The following LAMC1 variants were observed in gnomAD, a reference collection of about 807,000 sequenced individuals.
LAMC1 encodes the protein laminin subunit gamma 1.
LAMC1 carries 38 observed loss-of-function variants against 173.6 expected under a neutral mutation model. The observed-to-expected ratio is 0.22, with a 90% confidence interval of 0.17 to 0.29. LAMC1 has a LOEUF of 0.29. Ranked by LOEUF, LAMC1 falls within the 10% of genes least tolerant of loss-of-function variation. LAMC1 has a pLI of 1.00. For synonymous variants in LAMC1, 746 were observed against 749.1 expected, an observed-to-expected ratio of 1.00 and a Z score of 0.07; for missense variants, 1,824 against 2,051.8, an observed-to-expected ratio of 0.89 and a Z score of 2.14.
chr1:183,036,291 G>A (rs756604832), intron 1 of LAMC1, among the ~76,000 whole-genome samples: 22 of 151,644 alleles, frequency 1.5e-4, no homozygotes, highest in Non-Finnish European at 2.8e-4. Context: ...GTAGAGATGG[G>A]GTTTCGCCAT....
chr1:183,096,644 C>T (rs898693405), intron 1 of LAMC1: 3 of 152,134 alleles, frequency 2.0e-5, no homozygotes, highest in African/African-American at 7.2e-5. Flanking sequence ...CATTTGTTGT[C>T]ATAAATTTAG....
At chr1:183,089,952 G>A (rs562863572) in intron 1 of LAMC1, among the ~76,000 whole-genome samples, 2 of 152,274 alleles carry the variant, frequency 1.3e-5, no homozygotes, top group South Asian at 4.2e-4. Context: ...CAAACCAGAA[G>A]ATTCACAACA....
chr1:183,131,131 G>A (rs918662606), intron 19 of LAMC1, among the ~76,000 whole-genome samples, 168 bp from the exon 20 acceptor site: 3 of 135,464 alleles, frequency 2.2e-5, no homozygotes, highest in Non-Finnish European at 3.0e-5. Flanking sequence ...CTGAAATTGT[G>A]CCATTGCCCT....
At chr1:183,122,296 A>G (rs760972101) in intron 13 of LAMC1, 45 bp downstream of exon 13, 3 of 1,576,850 alleles carry the variant, frequency 1.9e-6, no homozygotes, top group African/African-American at 1.4e-5. Context: ...CCTTCTATAA[A>G]AAGACCTAGG....
chr1:183,107,855 G>T (rs1469153077), intron 2 of LAMC1, among the ~76,000 whole-genome samples: 1 of 152,094 alleles, frequency 6.6e-6, no homozygotes, highest in South Asian at 2.1e-4. Flanking sequence ...AAAGGACAGG[G>T]GCAGGCAATG....
In LAMC1 at chr1:183,143,667, T is replaced by C. The variant is rs1657178939; in HGVS notation, c.*877T>C. The C allele has an allele frequency of 6.6e-6, 1 of 152,288 alleles. No individual in the cohort carries two copies. Among genetic ancestry groups the C allele is most frequent in the Non-Finnish European group, 1.5e-5 (1 of 68,046 alleles). 9.4% of individuals were successfully genotyped at this position (152,288 alleles called of 1,614,324 possible). A position where few individuals can be genotyped will look rare whatever the true frequency, so the allele number is the denominator to read the frequency against. ...AATCAAACTAATTCTTACAGCTTTT[T>C]TATTAGTTAGTCTTGGAACTAGTGT... On this transcript the variant is annotated 3_prime_UTR_variant, in exon 28 of 28. Coordinates refer to ENST00000258341, the MANE Select transcript of LAMC1 (RefSeq NM_002293.4).
At position 183,142,721 on chromosome 1, in the gene LAMC1, C is replaced by T; in HGVS notation, c.4761C>T (p.Arg1587=). Residue 1587 remains arginine (R), a synonymous_variant, in exon 28 of 28, where the codon CGC becomes CGT. Transcript: ENST00000258341. ...TCGAGGAGATCATGAAGGACATTCG[C>T]AATCTGGAGGACATCAGGAAGACCT... ...RDIEEIMKDI[R]NLEDIRKTLP... 6.2e-7 allele frequency: 1 copy of T among 1,614,012 alleles called. No homozygotes were observed. The highest frequency in any genetic ancestry group is 1.1e-5 in the South Asian group (1 of 91,050).
At chr1:183,070,452 TC>T (rs1434890858) in intron 1 of LAMC1, among the ~76,000 whole-genome samples, 4 of 152,178 alleles carry the variant, frequency 2.6e-5, no homozygotes, top group Admixed American at 1.3e-4. Context: ...GCCCAGATGT[TC>T]CTGGGATACT....
At chr1:183,092,349 G>A (rs1365644355) in intron 1 of LAMC1, among the ~76,000 whole-genome samples, 1 of 151,758 alleles carries the variant, frequency 6.6e-6, no homozygotes, top group African/African-American at 2.4e-5. Flanking sequence ...TGCCTATGGT[G>A]CTTTAAAAAA....
At chr1:183,139,163 G>A (rs1426158767) in intron 26 of LAMC1, among the ~76,000 whole-genome samples, 1 of 152,174 alleles carries the variant, frequency 6.6e-6, no homozygotes. Context: ...AAAGAAAACA[G>A]TATATTCTTT....
rs749241715 is a variant in LAMC1 at position 183,103,402 on chromosome 1, C to T, written c.493C>T (p.Arg165Cys). ...CCCGGAGAGCTTTGCCATTTACAAG[C>T]GCACACGGGAAGACGGGCCCTGGAT... The part of the protein sequence containing the change: ...SRPESFAIYK[R>C]TREDGPWIPY... The change falls in exon 2 of 28, where the codon CGC becomes TGC. Residue 165 changes from arginine (R) to cysteine (C), a missense_variant. Transcript: ENST00000258341. 1.4e-5 allele frequency: 22 copies of T among 1,614,178 alleles called. No individual in the cohort carries two copies. Among genetic ancestry groups the T allele is most frequent in the Non-Finnish European group, 1.8e-5 (21 of 1,180,024 alleles).
chr1:183,073,132 G>T (rs898774655), intron 1 of LAMC1, among the ~76,000 whole-genome samples: 14 of 152,182 alleles, frequency 9.2e-5, no homozygotes, highest in Admixed American at 9.2e-4. Context: ...TAACATCATT[G>T]CTTGGTGTTT....
intron 21 of LAMC1, 120 bp downstream of exon 21, chr1:183,132,657 TG>T: frequency 1.4e-6 from 1 of 740,684 alleles, no homozygotes; most frequent in Non-Finnish European, 2.2e-6. Flanking sequence ...AGATTTCCTT[TG>T]TTAATCATGC....
At chr1:183,049,653 G>T (rs919838467) in intron 1 of LAMC1, among the ~76,000 whole-genome samples, 1 of 151,546 alleles carries the variant, frequency 6.6e-6, no homozygotes, top group Non-Finnish European at 1.5e-5. Context: ...TAGTAGAGAC[G>T]GGGTTTCACC....
At chr1:183,036,192 G>A (rs1653976187) in intron 1 of LAMC1, among the ~76,000 whole-genome samples, 1 of 150,834 alleles carries the variant, frequency 6.6e-6, no homozygotes, top group African/African-American at 2.4e-5. Flanking sequence ...TCCGCCTCCC[G>A]GCTTCAAGTG....
At chr1:183,130,293 A>G in intron 18 of LAMC1, 51 bp from the exon 19 acceptor site, 1 of 1,469,050 alleles carries the variant, frequency 6.8e-7, no homozygotes, top group East Asian at 2.3e-5. Flanking sequence ...ATGTGAGATG[A>G]TATGATCCTC....
chr1:183,131,937 C>G lies in LAMC1; in HGVS notation c.3567-463C>G, dbSNP rs147782182. 5.9e-3 allele frequency among the ~76,000 whole-genome samples: 906 copies of G among 152,324 alleles called. 26 individuals are homozygous for G. Among genetic ancestry groups the G allele is most frequent in the Admixed American group, 0.051 (784 of 15,304 alleles). On this transcript the variant is annotated intron_variant, in intron 20 of 27. Transcript: ENST00000258341. ...ATAAATTCAGCCCCACTGAAATGAT[C>G]ACAAAATTCCAAATGAATGACGTTT...
chr1:183,083,178 T>G (rs953218140), intron 1 of LAMC1, among the ~76,000 whole-genome samples: 2 of 152,228 alleles, frequency 1.3e-5, no homozygotes, highest in South Asian at 4.1e-4. Flanking sequence ...CAAAGGTAGA[T>G]TCCCTACTAT....
At chr1:183,027,363 G>C (rs910533723) in intron 1 of LAMC1, among the ~76,000 whole-genome samples, 2 of 152,008 alleles carry the variant, frequency 1.3e-5, no homozygotes, top group Admixed American at 6.6e-5. Flanking sequence ...AAAAAGTTTG[G>C]GTTTTATGTC....
Sources: allele counts gnomAD v4.1 joint callset (sites outside exome capture counted in the v4.1 genomes callset), GRCh38; gene constraint gnomAD v4.1.1; transcripts MANE v1.5; gene names NCBI Gene and HGNC (gene_info 2026-07-23, HGNC 2026-07-21).